Variants in MEF2C observed in about 807,000 individuals in gnomAD.
MEF2C encodes myocyte-specific enhancer factor 2C.
In MEF2C, 6 loss-of-function variants were observed where a neutral mutation model predicts 50.5. The ratio of observed to expected loss-of-function variants is 0.12; its 90% confidence interval spans 0.07 to 0.23. The LOEUF (loss-of-function observed/expected upper bound fraction) is 0.23. Among genes scored for constraint, MEF2C ranks in the 10% least tolerant of loss-of-function variants. The pLI is 1.00. For missense variants in MEF2C, 276 were observed against 605.0 expected, an observed-to-expected ratio of 0.46 and a Z score of 5.70; for synonymous variants, 183 against 228.0, an observed-to-expected ratio of 0.80 and a Z score of 1.78.
chr5:88,903,704 AT>A (rs1835894458), intron 1 of MEF2C, among the ~76,000 whole-genome samples: 2 of 152,238 alleles, frequency 1.3e-5, no homozygotes, highest in African/African-American at 4.8e-5. Flanking sequence ...TAAAAATAGA[AT>A]CTTGTTTTAA....
At chr5:88,742,218 C>T (rs1262382200) in intron 6 of MEF2C, 4 of 985,128 alleles carry the variant, frequency 4.1e-6, no homozygotes, top group Non-Finnish European at 4.8e-6. Context: ...TGCACAATGT[C>T]ACATCACTGA....
chr5:88,758,363 G>GCCCAGCATGAACCATGGCGAA (rs1776315285), intron 4 of MEF2C, among the ~76,000 whole-genome samples: 2 of 151,990 alleles, frequency 1.3e-5, no homozygotes, highest in Non-Finnish European at 2.9e-5. Flanking sequence ...TTGCTGTGAA[G>GCCCAGCATGAACCATGGCGAA]CCCAGCATGA....
intron 1 of MEF2C, among the ~76,000 whole-genome samples, chr5:88,879,826 T>C (rs1298330329): frequency 6.6e-6 from 1 of 152,316 alleles, no homozygotes; most frequent in South Asian, 2.1e-4. Flanking sequence ...GGTCAAAGTA[T>C]GCTTATCTAA....
intron 1 of MEF2C, among the ~76,000 whole-genome samples, chr5:88,867,461 T>C (rs918283038): frequency 2.6e-5 from 4 of 152,178 alleles, no homozygotes; most frequent in African/African-American, 9.7e-5. Context: ...CTCATCTATA[T>C]AATCGGGATA....
At chr5:88,800,948 C>A (rs1015787923) in intron 3 of MEF2C, among the ~76,000 whole-genome samples, 1 of 152,018 alleles carries the variant, frequency 6.6e-6, no homozygotes, top group African/African-American at 2.4e-5. Flanking sequence ...GTCTGTTAAG[C>A]CTTTGTGAGT....
At chr5:88,832,073 A>G (rs751164279) in intron 1 of MEF2C, among the ~76,000 whole-genome samples, 4 of 152,268 alleles carry the variant, frequency 2.6e-5, no homozygotes, top group Non-Finnish European at 5.9e-5. Flanking sequence ...TTCCTTATGT[A>G]CATTAGCTCC....
At chr5:88,888,570 C>A (rs1023779643) in intron 1 of MEF2C, among the ~76,000 whole-genome samples, 10 of 152,192 alleles carry the variant, frequency 6.6e-5, no homozygotes, top group African/African-American at 2.4e-4. Context: ...GTCTTGTAGT[C>A]ACTACCAAGT....
intron 6 of MEF2C, among the ~76,000 whole-genome samples, chr5:88,744,867 T>G (rs1768625834): frequency 6.6e-6 from 1 of 152,210 alleles, no homozygotes; most frequent in Admixed American, 6.5e-5. Flanking sequence ...CACATTTCAT[T>G]TACTACTATA....
upstream of MEF2C, among the ~76,000 whole-genome samples, chr5:88,886,041 GA>G (rs563165498): frequency 6.6e-4 from 101 of 152,256 alleles, no homozygotes; most frequent in African/African-American, 2.4e-3. Context: ...TGGATAATTT[GA>G]AAATAATTTG....
At chr5:88,751,627 G>A (rs536006899) in intron 5 of MEF2C, among the ~76,000 whole-genome samples, 1 of 152,266 alleles carries the variant, frequency 6.6e-6, no homozygotes, top group East Asian at 1.9e-4. Flanking sequence ...CACAGGAGGA[G>A]ATAGGTGACA....
chr5:88,756,420 T>C (rs1377910358), intron 4 of MEF2C, among the ~76,000 whole-genome samples: 1 of 152,156 alleles, frequency 6.6e-6, no homozygotes, highest in Non-Finnish European at 1.5e-5. Flanking sequence ...TTAGATTTTC[T>C]GTTTCTGAGT....
chr5:88,832,026 G>A (rs935340653), intron 1 of MEF2C, among the ~76,000 whole-genome samples: 2 of 152,032 alleles, frequency 1.3e-5, no homozygotes, highest in Non-Finnish European at 1.5e-5. Context: ...TTTTCTTAAA[G>A]CCAGTTAAGC....
intron 3 of MEF2C, among the ~76,000 whole-genome samples, chr5:88,768,091 G>T (rs965756359): frequency 6.6e-6 from 1 of 152,090 alleles, no homozygotes; most frequent in Non-Finnish European, 1.5e-5. Context: ...CTTTCTGATC[G>T]CTCAGGCTGA....
chr5:88,864,263 C>T (rs969935745), intron 1 of MEF2C, among the ~76,000 whole-genome samples: 13 of 151,268 alleles, frequency 8.6e-5, no homozygotes, highest in Non-Finnish European at 1.6e-4. Flanking sequence ...TTTGATCATG[C>T]TATAATGTAT....
chr5:88,775,454 C>T (rs955165741), intron 3 of MEF2C, among the ~76,000 whole-genome samples: 13 of 152,142 alleles, frequency 8.5e-5, no homozygotes, highest in Non-Finnish European at 1.8e-4. Context: ...AGGTTAAATA[C>T]TTACAAATAA....
At chr5:88,746,555 C>T (rs546928284) in intron 6 of MEF2C, 607 of 985,048 alleles carry the variant, frequency 6.2e-4, no homozygotes, top group Non-Finnish European at 6.7e-4. Flanking sequence ...CAAACTTTAT[C>T]TGAAACCTTG....
intron 1 of MEF2C, chr5:88,844,645 C>G (rs1818663324): frequency 1.3e-6 from 1 of 754,294 alleles, no homozygotes; most frequent in African/African-American, 1.9e-5. Context: ...CTAACTTTTT[C>G]TCTGATTCAA....
intron 1 of MEF2C, among the ~76,000 whole-genome samples, chr5:88,898,874 A>T (rs1835366581): frequency 6.6e-6 from 1 of 152,080 alleles, no homozygotes; most frequent in Admixed American, 6.6e-5. Context: ...ATCATACATA[A>T]CCTAAATACC....
chr5:88,751,819 CAACT>C, intron 5 of MEF2C, 34 bp downstream of exon 5: 1 of 1,591,684 alleles, frequency 6.3e-7, no homozygotes, highest in Non-Finnish European at 8.6e-7. Flanking sequence ...TGGTTCCTTC[CAACT>C]ATTTGTTAGC....
Sources: gnomAD v4.1 joint callset for allele counts (sites outside exome capture counted in the v4.1 genomes callset) on GRCh38, gnomAD v4.1.1 for gene constraint, MANE v1.5 for transcripts, NCBI Gene and HGNC (gene_info 2026-07-23, HGNC 2026-07-21) for gene names.